Variants in TACR3 observed in about 807,000 individuals in gnomAD.
TACR3 encodes the protein tachykinin receptor 3, also known as neuromedin-K receptor.
In TACR3, 34 loss-of-function variants were observed where a neutral mutation model predicts 35.0. The observed-to-expected ratio is 0.97, with a 90% CI of 0.74 to 1.30. The LOEUF is 1.30. TACR3 is among the 50% of genes most tolerant of loss of function. TACR3 has a pLI of 0.00. For missense variants in TACR3, 558 were observed against 591.7 expected (o/e 0.94, Z 0.59); for synonymous variants, 233 against 221.1 (o/e 1.05, Z -0.48).
At chr4:103,639,947 G>A (rs191596654) in intron 3 of TACR3, among the ~76,000 whole-genome samples, 31 of 152,016 alleles carry the variant, frequency 2.0e-4, no homozygotes, top group African/African-American at 7.5e-4. Flanking sequence ...CCTATCATAA[G>A]CATTATCTTT....
chr4:103,693,306 C>G (rs1299234843), intron 1 of TACR3, among the ~76,000 whole-genome samples: 1 of 152,092 alleles, frequency 6.6e-6, no homozygotes, highest in Non-Finnish European at 1.5e-5. Context: ...AATTTGCAAA[C>G]AATAAAATAT....
intron 3 of TACR3, among the ~76,000 whole-genome samples, chr4:103,620,461 A>G (rs1254485373): frequency 6.6e-6 from 1 of 152,250 alleles, no homozygotes; most frequent in Non-Finnish European, 1.5e-5. Context: ...TCATCACTGC[A>G]TATTCATTCA....
At chr4:103,715,790 A>G (rs1723076728) in intron 1 of TACR3, among the ~76,000 whole-genome samples, 1 of 152,182 alleles carries the variant, frequency 6.6e-6, no homozygotes, top group African/African-American at 2.4e-5. Flanking sequence ...ATCAAGTACT[A>G]TATGCCGTAA....
At chr4:103,629,608 G>T (rs1246968482) in intron 3 of TACR3, among the ~76,000 whole-genome samples, 1 of 151,932 alleles carries the variant, frequency 6.6e-6, no homozygotes, top group Non-Finnish European at 1.5e-5. Flanking sequence ...TCTTCAAGGA[G>T]AACTACAAAC....
At chr4:103,648,068 G>C (rs1380548324) in intron 3 of TACR3, among the ~76,000 whole-genome samples, 1 of 151,894 alleles carries the variant, frequency 6.6e-6, no homozygotes, top group Non-Finnish European at 1.5e-5. Context: ...TATTTACAAA[G>C]GTCTTCTGCT....
At chr4:103,594,901 ACT>A (rs1262012040) in intron 3 of TACR3, among the ~76,000 whole-genome samples, 1 of 124,620 alleles carries the variant, frequency 8.0e-6, no homozygotes, top group Non-Finnish European at 1.9e-5. Flanking sequence ...TATTTTCTGT[ACT>A]TATTTCTATA....
chr4:103,684,764 G>A (rs967208125), intron 1 of TACR3, among the ~76,000 whole-genome samples: 1 of 151,848 alleles, frequency 6.6e-6, no homozygotes, highest in South Asian at 2.1e-4. Flanking sequence ...GCACTTTGGG[G>A]GGCTGAGGTG....
chr4:103,597,519 T>A (rs1252500091), intron 3 of TACR3, among the ~76,000 whole-genome samples: 2 of 152,152 alleles, frequency 1.3e-5, no homozygotes, highest in Non-Finnish European at 2.9e-5. Context: ...GTTTGTTACA[T>A]ATGTATACAT....
chr4:103,607,857 G>A (rs573330462), intron 3 of TACR3, among the ~76,000 whole-genome samples: 1 of 152,030 alleles, frequency 6.6e-6, no homozygotes, highest in African/African-American at 2.4e-5. Flanking sequence ...GCTATAACGT[G>A]GTCAGAAACA....
chr4:103,661,416 T>C (rs539320315), intron 1 of TACR3, among the ~76,000 whole-genome samples: 12 of 152,148 alleles, frequency 7.9e-5, no homozygotes, highest in Non-Finnish European at 1.5e-4. Context: ...TGTCAATAAA[T>C]TTGTTGTACT....
At chr4:103,647,422 A>G (rs1725486732) in intron 3 of TACR3, among the ~76,000 whole-genome samples, 1 of 151,916 alleles carries the variant, frequency 6.6e-6, no homozygotes, top group Non-Finnish European at 1.5e-5. Context: ...TAACTTGGTC[A>G]GCAAACAGGA....
intron 1 of TACR3, among the ~76,000 whole-genome samples, chr4:103,672,101 C>A (rs1726068288): frequency 6.6e-6 from 1 of 152,094 alleles, no homozygotes; most frequent in South Asian, 2.1e-4. Context: ...AGAAGCAGCT[C>A]CTCAACATTA....
chr4:103,600,982 T>C (rs995786321), intron 3 of TACR3, among the ~76,000 whole-genome samples: 2 of 152,124 alleles, frequency 1.3e-5, no homozygotes, highest in Non-Finnish European at 2.9e-5. Context: ...AGGTCAGCTT[T>C]GTGCAGAGCT....
intron 3 of TACR3, among the ~76,000 whole-genome samples, chr4:103,611,567 T>C (rs1724513247): frequency 6.6e-6 from 1 of 152,198 alleles, no homozygotes; most frequent in Admixed American, 6.5e-5. Context: ...GCATTACCTC[T>C]TTTGAACTAA....
chr4:103,704,105 C>CAAAAAAATAAAA (rs1722729078), intron 1 of TACR3, among the ~76,000 whole-genome samples: 1 of 64,614 alleles, frequency 1.5e-5, no homozygotes, highest in Non-Finnish European at 2.8e-5. Flanking sequence ...CTCTATCTCA[C>CAAAAAAATAAAA]AAAAAAAAAA....
chr4:103,602,547 G>T (rs1425270216), intron 3 of TACR3, among the ~76,000 whole-genome samples: 1 of 151,802 alleles, frequency 6.6e-6, no homozygotes, highest in African/African-American at 2.4e-5. Context: ...TGATGATGGT[G>T]ACGTACAGAT....
intron 3 of TACR3, among the ~76,000 whole-genome samples, chr4:103,632,680 G>T (rs1336937443): frequency 6.6e-6 from 1 of 151,204 alleles, no homozygotes; most frequent in East Asian, 1.9e-4. Context: ...TAAAGAAAAA[G>T]AAATATTGTC....
At chr4:103,619,399 AG>A (rs1265490143) in intron 3 of TACR3, among the ~76,000 whole-genome samples, 4 of 152,178 alleles carry the variant, frequency 2.6e-5, no homozygotes, top group Non-Finnish European at 5.9e-5. Flanking sequence ...CATGTTGGCC[AG>A]GCTGGTCTTG....
At chr4:103,614,276 T>C (rs906478514) in intron 3 of TACR3, among the ~76,000 whole-genome samples, 1 of 152,220 alleles carries the variant, frequency 6.6e-6, no homozygotes, top group Admixed American at 6.5e-5. Context: ...AATAGTTTTT[T>C]AATAGGAAAG....
Sources: gnomAD v4.1 joint callset for allele counts (sites outside exome capture counted in the v4.1 genomes callset) on GRCh38, gnomAD v4.1.1 for gene constraint, MANE v1.5 for transcripts, NCBI Gene and HGNC (gene_info 2026-07-23, HGNC 2026-07-21) for gene names.